Variants in YBEY observed in about 807,000 individuals in gnomAD.
YBEY encodes endoribonuclease YbeY.
A neutral mutation model predicts 13.5 loss-of-function variants in YBEY; 15 were observed. That is an observed-to-expected ratio of 1.11 (90% CI 0.75 to 1.72). The LOEUF is 1.72. Among genes scored for constraint, YBEY ranks in the 40% most tolerant of loss-of-function variants. The pLI is 0.00. For synonymous variants in YBEY, 101 were observed against 83.1 expected (o/e 1.21, Z -1.17); for missense variants, 244 against 208.4 (o/e 1.17, Z -1.05).
intron 3 of YBEY, 72 bp downstream of exon 3, chr21:46,291,534 A>G (rs1433895530): frequency 6.3e-7 from 1 of 1,592,612 alleles, no homozygotes; most frequent in South Asian, 1.1e-5. Context: ...CAAGATCACA[A>G]CCCTGCATCC....
chr21:46,312,577 CAACA>C, the YBEY span, among the ~76,000 whole-genome samples: 14 of 152,302 alleles, frequency 9.2e-5, no homozygotes, highest in Middle Eastern at 3.4e-3. Flanking sequence ...TCCAACCAAC[CAACA>C]GTGTCCAGGC....
downstream of YBEY, chr21:46,300,157 G>A (rs148058807): frequency 4.4e-3 from 667 of 152,548 alleles, no homozygotes; most frequent in Non-Finnish European, 7.8e-3. Context: ...TAGGCTGGGC[G>A]CGGTGGCTCA....
downstream of YBEY, chr21:46,301,678 G>T: frequency 8.8e-7 from 1 of 1,138,998 alleles, no homozygotes; most frequent in African/African-American, 1.6e-5. Context: ...TGATGGAAGA[G>T]GGGGATCTGA....
chr21:46,304,748 G>A, the YBEY span, among the ~76,000 whole-genome samples: 2 of 152,132 alleles, frequency 1.3e-5, no homozygotes, highest in Non-Finnish European at 2.9e-5. Flanking sequence ...CTAGGCATGC[G>A]TTCCATTAGA....
chr21:46,312,476 G>A, the YBEY span, among the ~76,000 whole-genome samples: 3 of 152,030 alleles, frequency 2.0e-5, no homozygotes, highest in African/African-American at 7.2e-5. Context: ...CTGCCACCAC[G>A]CCCGGCTAAT....
chr21:46,287,958 G>C (rs550582435), intron 2 of YBEY, among the ~76,000 whole-genome samples: 1 of 151,642 alleles, frequency 6.6e-6, no homozygotes, highest in African/African-American at 2.4e-5. Context: ...GTTGCAGTGA[G>C]CTGAGATCAC....
At chr21:46,310,294 T>G in the YBEY span, among the ~76,000 whole-genome samples, 1 of 151,628 alleles carries the variant, frequency 6.6e-6, no homozygotes, top group Admixed American at 6.6e-5. Context: ...CTGGCCAACA[T>G]AGTGAAACCC....
chr21:46,307,361 A>T, the YBEY span, among the ~76,000 whole-genome samples: 1 of 152,052 alleles, frequency 6.6e-6, no homozygotes, highest in Non-Finnish European at 1.5e-5. Context: ...GCATACAAGC[A>T]TAGGCACACA....
downstream of YBEY, among the ~76,000 whole-genome samples, chr21:46,298,587 G>A (rs1211194542): frequency 6.6e-6 from 1 of 151,364 alleles, no homozygotes; most frequent in Admixed American, 6.6e-5. Context: ...CCGCCACCTC[G>A]CCCGGCTAAT....
At chr21:46,309,650 G>C in the YBEY span, among the ~76,000 whole-genome samples, 1 of 151,900 alleles carries the variant, frequency 6.6e-6, no homozygotes, top group South Asian at 2.1e-4. Flanking sequence ...GTCATGCTGA[G>C]AGAAGCCATA....
chr21:46,292,665 T>C (rs867458699), intron 3 of YBEY, among the ~76,000 whole-genome samples: 16 of 68,796 alleles, frequency 2.3e-4, no homozygotes, highest in East Asian at 1.3e-3. Context: ...CTCCCGCGGT[T>C]AGCCTGACCC....
the YBEY span, among the ~76,000 whole-genome samples, chr21:46,303,145 C>G: frequency 6.6e-6 from 1 of 151,792 alleles, no homozygotes; most frequent in Admixed American, 6.6e-5. Flanking sequence ...GCCTGGGCAA[C>G]CAGGGCGAAA....
In YBEY at chr21:46,286,850, C is replaced by T; in HGVS notation, c.-44-20C>T. 2.0e-6 allele frequency: 3 copies of T among 1,509,768 alleles called. No individual in the cohort carries two copies. In the South Asian group the frequency reaches 3.5e-5, roughly 17 times the overall value. The allele number at this position is 1,509,768 out of a possible 1,614,324, so 93.5% of individuals were successfully genotyped here. ...ATTATCACTTGTACTGATTGGTCTT[C>T]TCTTACACTTTAACCCCAGGTTCCG... On this transcript the variant is annotated intron_variant, in intron 1 of 4. Coordinates refer to ENST00000397701, the MANE Select transcript of YBEY (RefSeq NM_001314025.2).
chr21:46,303,741 ATATATTTTTTTTTTT>A, the YBEY span, among the ~76,000 whole-genome samples: 5 of 24,262 alleles, frequency 2.1e-4, no homozygotes, highest in Non-Finnish European at 4.1e-4. Context: ...ATATATATAT[ATATATTTTTTTTTTT>A]TTTTTTTTTT....
chr21:46,308,198 C>T, the YBEY span, among the ~76,000 whole-genome samples: 1 of 152,124 alleles, frequency 6.6e-6, no homozygotes, highest in Non-Finnish European at 1.5e-5. Flanking sequence ...CGCGGTGGCT[C>T]ACGCCCATAA....
At chr21:46,286,838 C>A (rs1269038721) in intron 1 of YBEY, 32 bp from the exon 2 acceptor site, 35 of 1,357,344 alleles carry the variant, frequency 2.6e-5, no homozygotes, top group Non-Finnish European at 3.1e-5. Context: ...ATCACTTGTA[C>A]TGATTGGTCT....
chr21:46,286,456 C>G (rs2081433148), intron 1 of YBEY, 41 bp downstream of exon 1: 1 of 161,090 alleles, frequency 6.2e-6, no homozygotes, highest in African/African-American at 2.4e-5. Flanking sequence ...GCGAGAGCGT[C>G]GCATTCACCC....
At chr21:46,302,228 CTG>C (rs2082137120), downstream of YBEY, 4 of 1,432,274 alleles carry the variant, frequency 2.8e-6, no homozygotes, top group Non-Finnish European at 3.7e-6. Flanking sequence ...CTGTTCCTAA[CTG>C]GGGCTGGATC....
chr21:46,292,749 C>T (rs1443271772), intron 3 of YBEY, among the ~76,000 whole-genome samples: 1 of 106,612 alleles, frequency 9.4e-6, no homozygotes, highest in East Asian at 3.3e-4. Context: ...TAGCCTGACC[C>T]GTGCCCGGGA....
Sources: allele counts gnomAD v4.1 joint callset (sites outside exome capture counted in the v4.1 genomes callset), GRCh38; gene constraint gnomAD v4.1.1; transcripts MANE v1.5; gene names NCBI Gene and HGNC (gene_info 2026-07-23, HGNC 2026-07-21).